The following DNAH5 variants were observed in gnomAD, a reference collection of about 807,000 sequenced individuals.
DNAH5 encodes the protein dynein axonemal heavy chain 5, also known as axonemal beta dynein heavy chain 5.
DNAH5 carries 372 observed loss-of-function variants against 518.2 expected under a neutral mutation model. That is an observed-to-expected ratio of 0.72 (90% CI 0.66 to 0.78). The LOEUF (loss-of-function observed/expected upper bound fraction) is 0.78, where lower values mean the gene tolerates loss of function less well. Among genes scored for constraint, DNAH5 ranks in the 30% least tolerant of loss-of-function variants. The pLI is 0.00. For synonymous variants in DNAH5, 2,039 were observed against 2,025.9 expected (o/e 1.01, Z -0.17); for missense variants, 5,523 against 5,687.0 (o/e 0.97, Z 0.93).
At chr5:13,715,034 G>A (rs1744105854) in intron 74 of DNAH5, among the ~76,000 whole-genome samples, 3 of 152,002 alleles carry the variant, frequency 2.0e-5, no homozygotes, top group Admixed American at 6.6e-5. Context: ...TTTAGTAATC[G>A]TGGTCCAAAT....
chr5:13,755,933 G>T (rs1750928321), intron 61 of DNAH5, among the ~76,000 whole-genome samples: 1 of 152,214 alleles, frequency 6.6e-6, no homozygotes, highest in South Asian at 2.1e-4. Context: ...CAATTTGGGA[G>T]AAGAGAAAGG....
chr5:13,884,914 G>GCACACA (rs60385373), intron 19 of DNAH5, 75 bp downstream of exon 19: 15 of 1,511,504 alleles, frequency 9.9e-6, no homozygotes, highest in Non-Finnish European at 1.2e-5. Flanking sequence ...GTGCACACGT[G>GCACACA]CACACACACA....
chr5:13,865,890 A>T lies in DNAH5; in HGVS notation c.4133T>A (p.Ile1378Asn). ...LIMFQNQFDN[I>N]YRKYITYTGG... is the part of the protein sequence containing the mutation. ...AGTATATGTGATGTATTTCCGATAG[A>T]TATTATCAAATTGATTCTAATAAAA... The change falls in exon 27 of 79, where the codon ATC becomes AAC. Residue 1378 changes from isoleucine (I) to asparagine (N), a missense_variant. Physicochemically the swap from Ile to Asn is moderately radical, Grantham distance 149. Transcript: ENST00000265104. 9 of 1,596,708 alleles carry T rather than the reference A, an allele frequency of 5.6e-6. No individual in the cohort carries two copies. Among genetic ancestry groups the T allele is most frequent in the Non-Finnish European group, 7.7e-6 (9 of 1,164,570 alleles).
chr5:13,925,805 G>C (rs1193746155), intron 3 of DNAH5, among the ~76,000 whole-genome samples: 1 of 152,144 alleles, frequency 6.6e-6, no homozygotes, highest in Non-Finnish European at 1.5e-5. Context: ...TATGCAAACG[G>C]TGAGGTTATA....
At chr5:13,702,070 T>C (rs749407570) in intron 76 of DNAH5, among the ~76,000 whole-genome samples, 32 of 152,222 alleles carry the variant, frequency 2.1e-4, no homozygotes, top group Non-Finnish European at 3.8e-4. Context: ...CCACAAACTA[T>C]TTGCATTTAT....
intron 1 of DNAH5, among the ~76,000 whole-genome samples, chr5:13,978,981 A>G (rs554314483): frequency 6.6e-6 from 1 of 152,086 alleles, no homozygotes; most frequent in South Asian, 2.1e-4. Flanking sequence ...TCTGCCCTCC[A>G]TTGGCTCCCA....
At chr5:14,008,297 A>AGGGAGGGAAGGAGGAGGGGATGGAGG in intron 1 of DNAH5, among the ~76,000 whole-genome samples, 2 of 151,394 alleles carry the variant, frequency 1.3e-5, no homozygotes, top group South Asian at 4.2e-4. Context: ...GAAATGAGGG[A>AGGGAGGGAAGGAGGAGGGGATGGAGG]GAGAGGGAAG....
chr5:13,961,618 C>CG lies in DNAH5; in HGVS notation c.13-30375dup, dbSNP rs1345638644. ...AAGATCACATCACTGCGCTCCAGCC[C>CG]GGGTGACAGAGCAAGACTCCTTCTG... On this transcript the variant is annotated intron_variant, in intron 1 of 78. Transcript: ENST00000681290. Among the ~76,000 whole-genome samples, 4 of 151,542 alleles carry CG rather than the reference C, an allele frequency of 2.6e-5. No homozygotes were observed. The East Asian group carries it at 7.7e-4, about 29-fold the overall frequency.
chr5:13,733,502 C>G (rs1025355334), intron 68 of DNAH5, among the ~76,000 whole-genome samples: 1 of 152,114 alleles, frequency 6.6e-6, no homozygotes, highest in Non-Finnish European at 1.5e-5. Context: ...GAAGGCAGCT[C>G]TTACATCTAC....
At chr5:13,780,741 G>GT in intron 53 of DNAH5, 88 bp downstream of exon 53, 1 of 1,423,534 alleles carries the variant, frequency 7.0e-7, no homozygotes. Flanking sequence ...CTCTTTATAT[G>GT]TAAGAGAAAT....
At chr5:13,924,805 C>T (rs1777690244) in intron 3 of DNAH5, among the ~76,000 whole-genome samples, 1 of 152,096 alleles carries the variant, frequency 6.6e-6, no homozygotes, top group South Asian at 2.1e-4. Context: ...ATTATCAGTA[C>T]TTGAACAGTC....
At chr5:13,920,940 T>C (rs930749492) in intron 5 of DNAH5, among the ~76,000 whole-genome samples, 1 of 151,194 alleles carries the variant, frequency 6.6e-6, no homozygotes, top group African/African-American at 2.5e-5. Flanking sequence ...AGTGGACCCA[T>C]ATGAAAAAAA....
intron 2 of DNAH5, among the ~76,000 whole-genome samples, chr5:13,928,899 T>G (rs1256211772): frequency 6.6e-6 from 1 of 152,136 alleles, no homozygotes; most frequent in Non-Finnish European, 1.5e-5. Context: ...CTGGTGGGAA[T>G]GTAAATGGTG....
rs755393698 is a variant in DNAH5 at position 13,911,455 on chromosome 5, G to A, written c.1575C>T (p.Phe525=). ...CAAAATCCATTTTCCGCTGGTCTAG[G>A]AAATTGTATTCCTTTTTCTTTATGG... is the stretch of plus-strand genomic sequence containing the variant. ...VATIKKKEYN[F]LDQRKMDFDQ... Residue 525 remains phenylalanine (F), a synonymous_variant, in exon 12 of 79, where the codon TTC becomes TTT. Transcript: ENST00000265104. 1.9e-6 allele frequency: 3 copies of A among 1,613,830 alleles called. No individual in the cohort carries two copies. In the South Asian group the frequency reaches 3.3e-5, roughly 18 times the overall value.
At position 13,886,157 on chromosome 5, in the gene DNAH5, T is replaced by C. The variant is rs764141523; in HGVS notation, c.2578-28A>G. ...AACCAAAAAAAAAAAAAAAAAAAGA[T>C]AGCACAGTGGTATATGGTTTATCTA... On this transcript the variant is annotated intron_variant, in intron 17 of 78. Coordinates refer to ENST00000265104, the MANE Select transcript of DNAH5 (RefSeq NM_001369.3). 6.0e-6 allele frequency: 8 copies of C among 1,338,844 alleles called. No individual in the cohort carries two copies. In the East Asian group the frequency reaches 9.6e-5, roughly 16 times the overall value. 82.9% of individuals were successfully genotyped at this position (1,338,844 alleles called of 1,614,324 possible).
chr5:13,844,314 G>C (rs904834027), intron 32 of DNAH5, among the ~76,000 whole-genome samples: 1 of 152,196 alleles, frequency 6.6e-6, no homozygotes, highest in African/African-American at 2.4e-5. Context: ...TAGGGAATTT[G>C]GGTGGAGGGA....
At chr5:13,989,240 T>C (rs1197969985) in intron 1 of DNAH5, among the ~76,000 whole-genome samples, 6 of 152,170 alleles carry the variant, frequency 3.9e-5, no homozygotes, top group Non-Finnish European at 7.4e-5. Context: ...GGAAATATTC[T>C]ACAAGAAAAA....
At chr5:13,900,651 T>C (rs1188019599) in intron 14 of DNAH5, 3 of 537,094 alleles carry the variant, frequency 5.6e-6, no homozygotes, top group Non-Finnish European at 9.9e-6. Context: ...ACTCTAACAC[T>C]GATAAATAAG....
At chr5:13,893,486 C>G (rs1461454569) in intron 16 of DNAH5, among the ~76,000 whole-genome samples, 1 of 152,122 alleles carries the variant, frequency 6.6e-6, no homozygotes, top group Non-Finnish European at 1.5e-5. Flanking sequence ...ATGTAAACAG[C>G]CTGGATTTAA....
Sources: gnomAD v4.1 joint callset for allele counts (sites outside exome capture counted in the v4.1 genomes callset) on GRCh38, gnomAD v4.1.1 for gene constraint, MANE v1.5 for transcripts, NCBI Gene and HGNC (gene_info 2026-07-23, HGNC 2026-07-21) for gene names.